Variants in SNX30 observed in about 807,000 individuals in gnomAD.
SNX30 encodes sorting nexin family member 30.
A neutral mutation model predicts 46.4 loss-of-function variants in SNX30; 24 were observed. The observed-to-expected ratio is 0.52, with a 90% CI of 0.37 to 0.73. The LOEUF (loss-of-function observed/expected upper bound fraction) is 0.73. Ranked by LOEUF, SNX30 falls within the 30% of genes least tolerant of loss-of-function variation. The pLI is 0.00. For synonymous variants in SNX30, 189 were observed against 211.5 expected (o/e 0.89, Z 0.92); for missense variants, 533 against 555.7 (o/e 0.96, Z 0.41).
intron 1 of SNX30, among the ~76,000 whole-genome samples, chr9:112,788,828 C>A (rs1673295129): frequency 6.6e-6 from 1 of 152,194 alleles, no homozygotes; most frequent in Non-Finnish European, 1.5e-5. Context: ...CAGTGTCTTG[C>A]TCTGTGACTC....
At chr9:112,786,365 C>A (rs1839926807) in intron 1 of SNX30, among the ~76,000 whole-genome samples, 1 of 152,122 alleles carries the variant, frequency 6.6e-6, no homozygotes, top group Admixed American at 6.6e-5. Context: ...AAGTGATCTG[C>A]CTGCTGTAGC....
intron 2 of SNX30, 40 bp downstream of exon 2, chr9:112,805,007 TC>T: frequency 6.6e-7 from 1 of 1,505,376 alleles, no homozygotes; most frequent in South Asian, 1.3e-5. Context: ...TTGAGTGGTC[TC>T]GGGGAATTGG....
At chr9:112,839,833 T>A (rs901920715) in intron 6 of SNX30, among the ~76,000 whole-genome samples, 1 of 152,158 alleles carries the variant, frequency 6.6e-6, no homozygotes, top group African/African-American at 2.4e-5. Context: ...AACCTGTCAG[T>A]CAACATTGGG....
intron 1 of SNX30, among the ~76,000 whole-genome samples, chr9:112,787,709 T>C (rs758961364): frequency 2.6e-5 from 4 of 151,850 alleles, no homozygotes; most frequent in Non-Finnish European, 5.9e-5. Flanking sequence ...TGGTGCATAA[T>C]TTTTGGCCCC....
chr9:112,757,681 T>G (rs1424849849), intron 1 of SNX30, among the ~76,000 whole-genome samples: 1 of 152,226 alleles, frequency 6.6e-6, no homozygotes, highest in East Asian at 1.9e-4. Flanking sequence ...CGTCCTGGCT[T>G]TCCAGGTCTC....
intron 6 of SNX30, among the ~76,000 whole-genome samples, chr9:112,843,582 A>AAGC (rs1840890199): frequency 6.8e-6 from 1 of 146,778 alleles, no homozygotes; most frequent in Non-Finnish European, 1.5e-5. Context: ...AGTAAGTGGT[A>AAGC]AGCGGTGAGG....
chr9:112,750,519 A>G (rs1303112168), upstream of SNX30: 1 of 152,254 alleles, frequency 6.6e-6, no homozygotes, highest in East Asian at 1.9e-4. Flanking sequence ...GATTTCCGTT[A>G]GACATTTGCT....
intron 1 of SNX30, among the ~76,000 whole-genome samples, chr9:112,787,854 T>A (rs1013376776): frequency 1.1e-4 from 17 of 151,764 alleles, no homozygotes; most frequent in Non-Finnish European, 4.4e-5. Flanking sequence ...TAGAGTACAG[T>A]GGCGCGATCT....
intron 1 of SNX30, among the ~76,000 whole-genome samples, chr9:112,758,689 C>T (rs1022431881): frequency 6.6e-6 from 1 of 152,198 alleles, no homozygotes; most frequent in South Asian, 2.1e-4. Flanking sequence ...AGCCACCATG[C>T]CTGGCCAAGT....
chr9:112,879,236 T>G (rs149438208), downstream of SNX30: 1,687 of 152,504 alleles, frequency 0.011, 30 homozygotes, highest in African/African-American at 0.038. Flanking sequence ...CAAGGTTTTA[T>G]TTTAATTTAA....
chr9:112,842,141 C>T (rs1187502657), intron 6 of SNX30, among the ~76,000 whole-genome samples: 4 of 152,216 alleles, frequency 2.6e-5, no homozygotes, highest in African/African-American at 7.2e-5. Flanking sequence ...ACAGGTTTCA[C>T]GACGTTGGCC....
Position 112,750,949 on chromosome 9 carries a change from C to CGCGGCGGGCAGCAGGAGGAAGCG in SNX30, c.-45_-23dup. The CGCGGCGGGCAGCAGGAGGAAGCG allele has an allele frequency of 8.4e-7, 1 of 1,190,146 alleles. No individual in the cohort carries two copies. Among genetic ancestry groups the CGCGGCGGGCAGCAGGAGGAAGCG allele is most frequent in the Non-Finnish European group, 1.0e-6 (1 of 962,046 alleles). The allele number at this position is 1,190,146 out of a possible 1,614,324, so 73.7% of individuals were successfully genotyped here. ...GGCCCGGGGTGCTCGGGGAGCTCGC[C>CGCGGCGGGCAGCAGGAGGAAGCG]GCGGCGGGCAGCAGGAGGAAGCGGC... On this transcript the variant is annotated 5_prime_UTR_variant, in exon 1 of 9. Coordinates refer to ENST00000374232, the MANE Select transcript of SNX30 (RefSeq NM_001012994.2).
intron 1 of SNX30, among the ~76,000 whole-genome samples, chr9:112,776,390 C>T (rs868603610): frequency 6.6e-6 from 1 of 152,170 alleles, no homozygotes; most frequent in Admixed American, 6.5e-5. Context: ...GTTAAACCCA[C>T]TTATGTTTGT....
At chr9:112,865,661 A>ATATATATATATATATGTG in intron 8 of SNX30, among the ~76,000 whole-genome samples, 2 of 105,702 alleles carry the variant, frequency 1.9e-5, no homozygotes, top group African/African-American at 3.8e-5. Context: ...ATATATATAT[A>ATATATATATATATATGTG]TGTATGTATG....
At chr9:112,780,738 G>A (rs759711676) in intron 1 of SNX30, among the ~76,000 whole-genome samples, 1 of 152,066 alleles carries the variant, frequency 6.6e-6, no homozygotes, top group Admixed American at 6.5e-5. Flanking sequence ...CTGCTTTCCC[G>A]GGGCTTGAAT....
At chr9:112,805,521 T>C (rs887996612) in intron 2 of SNX30, among the ~76,000 whole-genome samples, 6 of 152,182 alleles carry the variant, frequency 3.9e-5, no homozygotes, top group African/African-American at 1.2e-4. Context: ...CAGGCTGGAG[T>C]GCAGTGGTGT....
chr9:112,779,394 A>G (rs548905787), intron 1 of SNX30, among the ~76,000 whole-genome samples: 1 of 152,176 alleles, frequency 6.6e-6, no homozygotes, highest in East Asian at 1.9e-4. Flanking sequence ...TCAAGTGAAC[A>G]CATAGAAGAG....
chr9:112,759,845 C>T (rs937896578), intron 1 of SNX30, among the ~76,000 whole-genome samples: 1 of 152,050 alleles, frequency 6.6e-6, no homozygotes, highest in African/African-American at 2.4e-5. Flanking sequence ...CCTCAGTTTT[C>T]TCATCTGTGA....
chr9:112,791,751 A>G (rs1840028338), intron 1 of SNX30, among the ~76,000 whole-genome samples: 2 of 152,174 alleles, frequency 1.3e-5, no homozygotes, highest in Admixed American at 6.6e-5. Flanking sequence ...AGAGATTTAA[A>G]TGGAATGGCT....
Sources: allele counts gnomAD v4.1 joint callset (sites outside exome capture counted in the v4.1 genomes callset), GRCh38; gene constraint gnomAD v4.1.1; transcripts MANE v1.5; gene names NCBI Gene and HGNC (gene_info 2026-07-23, HGNC 2026-07-21).